Variants in CHRM3 observed in about 807,000 individuals in gnomAD.
The protein encoded by CHRM3 is cholinergic receptor muscarinic 3, also known as muscarinic acetylcholine receptor M3.
CHRM3 carries 11 observed loss-of-function variants against 41.8 expected under a neutral mutation model. The observed-to-expected ratio is 0.26, with a 90% CI of 0.17 to 0.44. The LOEUF (loss-of-function observed/expected upper bound fraction) is 0.44. CHRM3 is among the 20% of genes least tolerant of loss of function. CHRM3 has a pLI of 1.00. For synonymous variants in CHRM3, 297 were observed against 301.4 expected, an observed-to-expected ratio of 0.99 and a Z score of 0.15; for missense variants, 571 against 745.4, an observed-to-expected ratio of 0.77 and a Z score of 2.72.
chr1:239,454,045 G>C (rs922289209), intron 1 of CHRM3, among the ~76,000 whole-genome samples: 2 of 152,098 alleles, frequency 1.3e-5, no homozygotes, highest in African/African-American at 4.8e-5. Flanking sequence ...AAATGTGTAG[G>C]GAGTTTCCCC....
At chr1:239,890,673 G>A (rs1278089124) in intron 6 of CHRM3, among the ~76,000 whole-genome samples, 1 of 152,150 alleles carries the variant, frequency 6.6e-6, no homozygotes, top group Non-Finnish European at 1.5e-5. Flanking sequence ...TCACAATTCA[G>A]CAACATTCAT....
At chr1:239,704,745 A>G (rs897700213) in intron 5 of CHRM3, 12 of 152,214 alleles carry the variant, frequency 7.9e-5, no homozygotes, top group African/African-American at 2.9e-4. Context: ...AGATATATTA[A>G]TATTTATAAT....
chr1:239,584,267 C>G (rs1313798555), intron 3 of CHRM3, among the ~76,000 whole-genome samples: 1 of 151,916 alleles, frequency 6.6e-6, no homozygotes, highest in African/African-American at 2.4e-5. Context: ...CCATGCCTGG[C>G]TAATTTTTGT....
intron 1 of CHRM3, among the ~76,000 whole-genome samples, chr1:239,461,160 C>G (rs1425042586): frequency 6.6e-6 from 1 of 152,154 alleles, no homozygotes; most frequent in African/African-American, 2.4e-5. Context: ...TATTTTCTGA[C>G]AAATGCTTCA....
chr1:239,390,824 G>T (rs1332234179), intron 1 of CHRM3, among the ~76,000 whole-genome samples: 1 of 152,150 alleles, frequency 6.6e-6, no homozygotes, highest in Non-Finnish European at 1.5e-5. Context: ...CATTAGTGTT[G>T]TCTTCAATGC....
intron 6 of CHRM3, among the ~76,000 whole-genome samples, chr1:239,859,898 G>T (rs970483340): frequency 9.5e-5 from 14 of 148,028 alleles, no homozygotes; most frequent in African/African-American, 3.5e-4. Context: ...CGTAAAGCAT[G>T]TGGACCAGTA....
chr1:239,727,259 A>G (rs1422889011), intron 5 of CHRM3, among the ~76,000 whole-genome samples: 1 of 151,904 alleles, frequency 6.6e-6, no homozygotes, highest in Non-Finnish European at 1.5e-5. Flanking sequence ...TTCATTTTCT[A>G]TTTGGACAGA....
At chr1:239,710,385 A>G (rs1171564617) in intron 5 of CHRM3, among the ~76,000 whole-genome samples, 1 of 152,200 alleles carries the variant, frequency 6.6e-6, no homozygotes, top group Non-Finnish European at 1.5e-5. Flanking sequence ...TATTTTGTAT[A>G]ATCTTATTAA....
chr1:239,559,776 T>A (rs1283541074), intron 3 of CHRM3, among the ~76,000 whole-genome samples: 8 of 152,220 alleles, frequency 5.3e-5, no homozygotes. Flanking sequence ...TACATAACAC[T>A]ATACCACTGG....
intron 1 of CHRM3, among the ~76,000 whole-genome samples, chr1:239,489,503 T>A (rs893858994): frequency 6.6e-6 from 1 of 152,164 alleles, no homozygotes; most frequent in Non-Finnish European, 1.5e-5. Flanking sequence ...CATCTAACCC[T>A]TTACACATTT....
At chr1:239,514,018 G>A (rs998508130) in intron 2 of CHRM3, among the ~76,000 whole-genome samples, 9 of 152,072 alleles carry the variant, frequency 5.9e-5, no homozygotes, top group African/African-American at 1.2e-4. Flanking sequence ...CACCAACACC[G>A]CTCTGTCTTG....
At chr1:239,415,413 C>G (rs1314189696) in intron 1 of CHRM3, among the ~76,000 whole-genome samples, 3 of 152,150 alleles carry the variant, frequency 2.0e-5, no homozygotes, top group Non-Finnish European at 4.4e-5. Flanking sequence ...GTGCTCCAGC[C>G]TGGCCGACAG....
chr1:239,523,707 C>T (rs1669805301), intron 2 of CHRM3, among the ~76,000 whole-genome samples: 1 of 152,070 alleles, frequency 6.6e-6, no homozygotes, highest in Non-Finnish European at 1.5e-5. Flanking sequence ...TAACAATAAG[C>T]AACTATTGTA....
chr1:239,504,050 A>T (rs1572527632), intron 2 of CHRM3, among the ~76,000 whole-genome samples: 1 of 152,236 alleles, frequency 6.6e-6, no homozygotes, highest in African/African-American at 2.4e-5. Context: ...TTCAATAAAA[A>T]CAAAAAATAT....
Position 239,732,098 on chromosome 1 carries a change from C to A in CHRM3, c.-147+53810C>A, listed in dbSNP as rs533064746. On this transcript the variant is annotated intron_variant, in intron 5 of 6. Coordinates refer to ENST00000676153, the MANE Select transcript of CHRM3 (RefSeq NM_001375978.1). ...TTGAGGGATTTACTCCACAGATTTGCACTTGGTCTGCCTCCTATCCATACA... is the reference window on the plus strand; with the variant it reads ...TTGAGGGATTTACTCCACAGATTTGAACTTGGTCTGCCTCCTATCCATACA... Among the ~76,000 whole-genome samples the A allele has an allele frequency of 1.6e-4, 25 of 152,092 alleles. No individual in the cohort carries two copies. In the East Asian group the frequency reaches 4.9e-3, roughly 30 times the overall value.
At chr1:239,500,644 G>GA (rs1352874329) in intron 2 of CHRM3, among the ~76,000 whole-genome samples, 3 of 147,636 alleles carry the variant, frequency 2.0e-5, no homozygotes, top group Non-Finnish European at 3.0e-5. Context: ...ATTAAATCCC[G>GA]AAAAAAAAGC....
chr1:239,531,267 C>T (rs1670382659), intron 2 of CHRM3, among the ~76,000 whole-genome samples: 1 of 151,996 alleles, frequency 6.6e-6, no homozygotes. Context: ...TATAAAGCTA[C>T]AGTAATCAAG....
chr1:239,417,579 G>GTTTTTTTTTTTTTTTTTTTTTTT (rs34926014), intron 1 of CHRM3, among the ~76,000 whole-genome samples: 1 of 122,664 alleles, frequency 8.2e-6, no homozygotes, highest in African/African-American at 3.0e-5. Context: ...AGATTAATTT[G>GTTTTTTTTTTTTTTTTTTTTTTT]TTTTTTTTTT....
At chr1:239,580,817 CTTGTGTGATT>C (rs1662833428) in intron 3 of CHRM3, among the ~76,000 whole-genome samples, 1 of 148,678 alleles carries the variant, frequency 6.7e-6, no homozygotes, top group Non-Finnish European at 1.5e-5. Flanking sequence ...ATTATGAAGC[CTTGTGTGATT>C]TTTACATGCA....
Sources: allele counts gnomAD v4.1 joint callset (sites outside exome capture counted in the v4.1 genomes callset), GRCh38; gene constraint gnomAD v4.1.1; transcripts MANE v1.5; gene names NCBI Gene and HGNC (gene_info 2026-07-23, HGNC 2026-07-21).